Variants in RETREG2 observed in about 807,000 individuals in gnomAD.
RETREG2 encodes reticulophagy regulator family member 2.
A neutral mutation model predicts 51.6 loss-of-function variants in RETREG2; 21 were observed. That is an observed-to-expected ratio of 0.41 (90% CI 0.29 to 0.59). RETREG2 has a LOEUF of 0.59. Ranked by LOEUF, RETREG2 falls within the 20% of genes least tolerant of loss-of-function variation. The pLI, the probability that RETREG2 is intolerant of heterozygous loss-of-function variation, is 0.34. For missense variants in RETREG2, 674 were observed against 646.0 expected (o/e 1.04, Z -0.47); for synonymous variants, 339 against 288.6 (o/e 1.17, Z -1.77).
chr2:219,178,631 C>T lies in RETREG2; in HGVS notation c.279C>T (p.Phe93=), dbSNP rs969339349. 2.1e-6 allele frequency: 3 copies of T among 1,445,296 alleles called. No individual in the cohort carries two copies. The highest frequency in any genetic ancestry group is 2.5e-4 in the Middle Eastern group (1 of 4,008). The allele number at this position is 1,445,296 out of a possible 1,614,324, so 89.5% of individuals were successfully genotyped here. The change falls in exon 1 of 9, where the codon TTC becomes TTT. Residue 93 remains phenylalanine, a splice_region_variant and synonymous_variant. Transcript: ENST00000430297. ...LVTAAALNGL[F]WLLSSSSLRP... ...CGGCGGCCGCGCTCAACGGCCTCTT[C>T]TGGTAACGGCCGCGGAGGAGGGGGC... is the stretch of plus-strand genomic sequence containing the variant.
In RETREG2 at chr2:219,182,516, C is replaced by G. The variant is rs770304752; in HGVS notation, c.1519C>G (p.Leu507Val). ...GGAGCTGGAGCAGCTGAATGCAGAG[C>G]TGGGCTTGGAGCCAGAGACACCGCC... ...QGELEQLNAELGLEPETPPKP... is the reference protein window; with the variant it reads ...QGELEQLNAEVGLEPETPPKP... The change falls in exon 9 of 9, where the codon CTG (leucine) becomes GTG (valine). Residue 507 changes from leucine (L) to valine (V), a missense_variant. Leu to Val is a conservative substitution (Grantham distance 32). Coordinates refer to ENST00000430297, the MANE Select transcript of RETREG2 (RefSeq NM_024293.6). 6.2e-7 allele frequency: 1 copy of G among 1,614,158 alleles called. No homozygotes were observed. The highest frequency in any genetic ancestry group is 8.5e-7 in the Non-Finnish European group (1 of 1,180,022).
chr2:219,178,640 G>GC lies in RETREG2; in HGVS notation c.281+9dup, dbSNP rs1445489649. 1.4e-6 allele frequency: 2 copies of GC among 1,442,518 alleles called. No individual in the cohort carries two copies. The highest frequency in any genetic ancestry group is 2.8e-5 in the South Asian group (2 of 71,452). 89.4% of individuals were successfully genotyped at this position (1,442,518 alleles called of 1,614,324 possible). ...CGCTCAACGGCCTCTTCTGGTAACG[G>GC]CCGCGGAGGAGGGGGCGGGGCCGGG... On this transcript the variant is annotated splice_region_variant and intron_variant, in intron 1 of 8. Coordinates refer to ENST00000430297, the MANE Select transcript of RETREG2 (RefSeq NM_024293.6).
In RETREG2 at chr2:219,180,762, G is replaced by C. The variant is rs1323753362; in HGVS notation, c.640+8G>C. 6.2e-7 allele frequency: 1 copy of C among 1,613,878 alleles called. No individual in the cohort carries two copies. The highest frequency in any genetic ancestry group is 8.5e-7 in the Non-Finnish European group (1 of 1,179,874). On this transcript the variant is annotated splice_region_variant and intron_variant, in intron 5 of 8. Transcript: ENST00000430297. ...TGATTTCCTACATTGTCTGTGAGTA[G>C]GGTCTGTCCCTGCCCTATTTAAAGC...
chr2:219,180,616 G>C, intron 4 of RETREG2, 54 bp from the exon 5 acceptor site: 1 of 1,613,166 alleles, frequency 6.2e-7, no homozygotes, highest in South Asian at 1.1e-5. Flanking sequence ...TTACCCAGCC[G>C]AGCGGGGCGC....
rs772005130 is a variant in RETREG2 at position 219,182,082 on chromosome 2, A to C, written c.1085A>C (p.Glu362Ala). 6.2e-7 allele frequency: 1 copy of C among 1,614,104 alleles called. No individual in the cohort carries two copies. The highest frequency in any genetic ancestry group is 1.7e-5 in the Admixed American group (1 of 60,010). Residue 362 changes from glutamate (E) to alanine (A), a missense_variant, in exon 9 of 9, where the codon GAG becomes GCG. Transcript: ENST00000430297. ...AGCCGGGACCTAGGGGAGGGAGAGG[A>C]GGGAGAGCTGGCCCCTCCCGAAGAC... ...TLSRDLGEGE[E>A]GELAPPEDLL...
chr2:219,179,897 C>T lies in RETREG2; in HGVS notation c.419+134C>T, dbSNP rs113937439. 145 of 1,205,306 alleles carry T rather than the reference C, an allele frequency of 1.2e-4. 1 individual carries two copies. The African/African-American group carries it at 1.3e-3, about 10-fold the overall frequency. The allele number at this position is 1,205,306 out of a possible 1,614,324, so 74.7% of individuals were successfully genotyped here. A position where few individuals can be genotyped will look rare whatever the true frequency, so the allele number is the denominator to read the frequency against. On this transcript the variant is annotated intron_variant, in intron 3 of 8. Coordinates refer to ENST00000430297, the MANE Select transcript of RETREG2 (RefSeq NM_024293.6). ...AACAAGCCATGGGTTTTTCATGGTC[C>T]TAGGCTCCTGTGTAGGTGTTTGCGT...
chr2:219,178,656 CGGGGCCGGGATGAGCGGGGGA>C, intron 1 of RETREG2, 23 bp downstream of exon 1: 2 of 1,158,400 alleles, frequency 1.7e-6, no homozygotes, highest in Non-Finnish European at 2.2e-6. Context: ...GAGGAGGGGG[CGGGGCCGGGATGAGCGGGGGA>C]GGGAGGGGTC....
At chr2:219,178,697 A>G (rs2106394784) in intron 1 of RETREG2, 64 bp downstream of exon 1, 2 of 1,395,634 alleles carry the variant, frequency 1.4e-6, no homozygotes, top group African/African-American at 1.5e-5. Context: ...CGAGAGCACC[A>G]TTCCCCTTTC....
rs2385395 is a variant in RETREG2, at chr2:219,184,406, G to C, written c.*1777G>C. ...TACCATATGGTAATGCTGCCTGGCT[G>C]TCTGCTGGAGGTACCATATGGTAAT... On this transcript the variant is annotated 3_prime_UTR_variant, in exon 9 of 9. Coordinates refer to ENST00000430297, the MANE Select transcript of RETREG2 (RefSeq NM_024293.6). 6.6e-6 allele frequency: 1 copy of C among 151,588 alleles called. No individual in the cohort carries two copies. Among genetic ancestry groups the C allele is most frequent in the African/African-American group, 2.4e-5 (1 of 41,182 alleles). The allele number at this position is 151,588 out of a possible 1,614,324, so 9.4% of individuals were successfully genotyped here.
chr2:219,181,603 C>T (rs192015445), intron 7 of RETREG2, 37 bp from the exon 8 acceptor site: 90 of 1,609,878 alleles, frequency 5.6e-5, no homozygotes, highest in Admixed American at 2.5e-4. Context: ...TTCTCTTATC[C>T]CCTCACATGT....
intron 5 of RETREG2, 40 bp downstream of exon 5, chr2:219,180,794 C>T (rs1310209496): frequency 6.2e-7 from 1 of 1,607,584 alleles, no homozygotes; most frequent in Admixed American, 1.7e-5. Flanking sequence ...AAGCCCTCTC[C>T]TTTCTTCTTT....
intron 1 of RETREG2, 131 bp from the exon 2 acceptor site, chr2:219,178,791 C>A (rs1015136827): frequency 1.9e-6 from 2 of 1,067,748 alleles, no homozygotes; most frequent in Non-Finnish European, 2.6e-6. Context: ...TTTTTTCTAT[C>A]TCTGAGTCGT....
At position 219,178,313 on chromosome 2, in the gene RETREG2, C is replaced by G; in HGVS notation, c.-40C>G. ...CGCCCCCGGCGGCGGCCGCGCAGCC[C>G]TGGCTCCTCGCGGGCTCGGGCGGCG... On this transcript the variant is annotated 5_prime_UTR_variant, in exon 1 of 9. Transcript: ENST00000430297. 3 of 391,678 alleles carry G rather than the reference C, an allele frequency of 7.7e-6. No individual in the cohort carries two copies. Among genetic ancestry groups the G allele is most frequent in the East Asian group, 3.7e-5 (1 of 26,964 alleles). 24.3% of individuals were successfully genotyped at this position (391,678 alleles called of 1,614,324 possible). A position where few individuals can be genotyped will look rare whatever the true frequency, so the allele number is the denominator to read the frequency against.
intron 4 of RETREG2, 121 bp from the exon 5 acceptor site, chr2:219,180,549 G>A (rs1210655664): frequency 1.3e-6 from 2 of 1,551,452 alleles, no homozygotes; most frequent in East Asian, 4.5e-5. Flanking sequence ...TAACCAAACT[G>A]GACCACCCCA....
chr2:219,182,703 C>G lies in RETREG2; in HGVS notation c.*74C>G. 6.4e-7 allele frequency: 1 copy of G among 1,553,090 alleles called. No homozygotes were observed. On this transcript the variant is annotated 3_prime_UTR_variant, in exon 9 of 9. Coordinates refer to ENST00000430297, the MANE Select transcript of RETREG2 (RefSeq NM_024293.6). Reference sequence around the variant, plus strand: ...GGAGTGTTGCTGTTTCCTCCTTTGCCTACCACTCTGGGGTGGGGCAGTGTG... The same window carrying G: ...GGAGTGTTGCTGTTTCCTCCTTTGCGTACCACTCTGGGGTGGGGCAGTGTG...
rs551125941 is a variant in RETREG2, at chr2:219,183,527, C to A, written c.*898C>A. ...CCCTGACTGTGAGCTGCCTTCCACACCCTGCACTGCACTGTGTTCTCTCCT... is the reference window on the plus strand; with the variant it reads ...CCCTGACTGTGAGCTGCCTTCCACAACCTGCACTGCACTGTGTTCTCTCCT... On this transcript the variant is annotated 3_prime_UTR_variant, in exon 9 of 9. Transcript: ENST00000430297. 1 of 152,428 alleles carries A rather than the reference C, an allele frequency of 6.6e-6. No individual in the cohort carries two copies. The highest frequency in any genetic ancestry group is 6.5e-5 in the Admixed American group (1 of 15,280). 9.4% of individuals were successfully genotyped at this position (152,428 alleles called of 1,614,324 possible).
In RETREG2 at chr2:219,182,766, TCTGC is replaced by T. The variant is rs749566443; in HGVS notation, c.*154_*157del. On this transcript the variant is annotated 3_prime_UTR_variant, in exon 9 of 9. Coordinates refer to ENST00000430297, the MANE Select transcript of RETREG2 (RefSeq NM_024293.6). The stretch of plus-strand genomic sequence containing the variant: ...CTGTCGGATGGTAGCTATTCCACCC[TCTGC>T]CTGCCTGCCTGCCTGCTGTCCTGGG... 3.4e-4 allele frequency: 326 copies of T among 957,072 alleles called. No homozygotes were observed. The highest frequency in any genetic ancestry group is 6.8e-4 in the South Asian group (42 of 61,714). The allele number at this position is 957,072 out of a possible 1,614,324, so 59.3% of individuals were successfully genotyped here.
chr2:219,178,588 C>T lies in RETREG2; in HGVS notation c.236C>T (p.Pro79Leu). The change falls in exon 1 of 9, where the codon CCG (proline) becomes CTG (leucine). Residue 79 changes from proline (P) to leucine (L), a missense_variant. Coordinates refer to ENST00000430297, the MANE Select transcript of RETREG2 (RefSeq NM_024293.6). ...AAQRLLVWEK[P>L]LHSLVTAAAL... is the part of the protein sequence containing the mutation. Reference sequence around the variant, plus strand: ...CAGCGGTTGCTGGTGTGGGAGAAGCCGCTGCACAGCCTGGTCACGGCGGCC... The same window carrying T: ...CAGCGGTTGCTGGTGTGGGAGAAGCTGCTGCACAGCCTGGTCACGGCGGCC... 6.8e-7 allele frequency: 1 copy of T among 1,468,598 alleles called. No individual in the cohort carries two copies. Among genetic ancestry groups the T allele is most frequent in the Non-Finnish European group, 8.9e-7 (1 of 1,118,372 alleles). 91.0% of individuals were successfully genotyped at this position (1,468,598 alleles called of 1,614,324 possible).
At chr2:219,181,898 A>G (rs898786875) in intron 8 of RETREG2, 115 bp from the exon 9 acceptor site, 40 of 1,555,044 alleles carry the variant, frequency 2.6e-5, no homozygotes, top group Middle Eastern at 1.8e-4. Context: ...AGACCTTAAC[A>G]CCTAAGGCTT....
Sources: gnomAD v4.1 joint callset for allele counts on GRCh38, gnomAD v4.1.1 for gene constraint, MANE v1.5 for transcripts, NCBI Gene and HGNC (gene_info 2026-07-23, HGNC 2026-07-21) for gene names.